The following PCSK1 variants were observed in gnomAD, a reference collection of about 807,000 sequenced individuals.
The protein encoded by PCSK1 is proprotein convertase subtilisin/kexin type 1.
Under a neutral mutation model 90.6 loss-of-function variants are expected in PCSK1, and 56 were observed. The observed-to-expected ratio is 0.62, with a 90% CI of 0.50 to 0.77. PCSK1 has a LOEUF of 0.77. PCSK1 is among the 30% of genes least tolerant of loss of function. PCSK1 has a pLI of 0.00. For missense variants in PCSK1, 801 were observed against 932.6 expected, an observed-to-expected ratio of 0.86 and a Z score of 1.84; for synonymous variants, 348 against 342.4, an observed-to-expected ratio of 1.02 and a Z score of -0.18.
chr5:96,395,514 C>A (rs184986119), intron 12 of PCSK1, among the ~76,000 whole-genome samples: 18 of 152,242 alleles, frequency 1.2e-4, no homozygotes, highest in African/African-American at 4.3e-4. Context: ...AAGCTGGAAA[C>A]CATCATTCTC....
chr5:96,427,666 T>G (rs1240599657), intron 2 of PCSK1, among the ~76,000 whole-genome samples: 2 of 152,174 alleles, frequency 1.3e-5, no homozygotes, highest in African/African-American at 4.8e-5. Context: ...CATGAGATAC[T>G]TTGAGTAAGA....
chr5:96,406,041 T>G (rs1430965432), intron 9 of PCSK1, among the ~76,000 whole-genome samples: 1 of 152,202 alleles, frequency 6.6e-6, no homozygotes, highest in Non-Finnish European at 1.5e-5. Context: ...GACCCTATTT[T>G]CTTCCAGTCC....
intron 1 of PCSK1, among the ~76,000 whole-genome samples, chr5:96,430,642 CAAA>C (rs1448703824): frequency 6.6e-6 from 1 of 152,074 alleles, no homozygotes; most frequent in Non-Finnish European, 1.5e-5. Flanking sequence ...TAATATTAAA[CAAA>C]AAGAGAAATA....
chr5:96,400,317 GTGTCTATTACTGTTCATATATCTTT>G (rs1177512851), intron 9 of PCSK1, 131 bp from the exon 10 acceptor site: 18 of 715,754 alleles, frequency 2.5e-5, no homozygotes, highest in African/African-American at 1.7e-4. Context: ...TGTTATTCTA[GTGTCTATTACTGTTCATATATCTTT>G]TCATTCAGAA....
chr5:96,392,974 T>C lies in PCSK1; in HGVS notation c.*27A>G, dbSNP rs775919898. ...GCAGGGTAAGGAAGAAGCATGAATA[T>C]TTCCAACTTGGGACCACACACTTAT... On this transcript the variant is annotated 3_prime_UTR_variant, in exon 14 of 14. Coordinates refer to ENST00000311106, the MANE Select transcript of PCSK1 (RefSeq NM_000439.5). 1 of 1,613,140 alleles carries C rather than the reference T, an allele frequency of 6.2e-7. No homozygotes were observed.
Position 96,391,254 on chromosome 5 carries a change from T to C in PCSK1, c.*1747A>G, listed in dbSNP as rs1759928036. The C allele has an allele frequency of 6.6e-6, 1 of 152,168 alleles. No individual in the cohort carries two copies. The highest frequency in any genetic ancestry group is 1.5e-5 in the Non-Finnish European group (1 of 68,040). The allele number at this position is 152,168 out of a possible 1,614,324, so 9.4% of individuals were successfully genotyped here. A position where few individuals can be genotyped will look rare whatever the true frequency, so the allele number is the denominator to read the frequency against. ...CAAATGGTAGAAGAGCAGGTGAAAATTTGTGTTACCAACCATACTTCAAGC... is the reference window on the plus strand; with the variant it reads ...CAAATGGTAGAAGAGCAGGTGAAAACTTGTGTTACCAACCATACTTCAAGC... On this transcript the variant is annotated 3_prime_UTR_variant, in exon 14 of 14. Coordinates refer to ENST00000311106, the MANE Select transcript of PCSK1 (RefSeq NM_000439.5).
chr5:96,425,008 AAAAGAAAGAAAG>A (rs200406743), intron 3 of PCSK1, among the ~76,000 whole-genome samples: 6,588 of 117,352 alleles, frequency 0.056, 207 homozygotes, highest in African/African-American at 0.08. Flanking sequence ...AGAAAGAAAG[AAAAGAAAGAAAG>A]AAAGAAAGAA....
At chr5:96,400,867 C>T (rs2112400937) in intron 9 of PCSK1, among the ~76,000 whole-genome samples, 1 of 146,566 alleles carries the variant, frequency 6.8e-6, no homozygotes, top group African/African-American at 2.6e-5. Context: ...GCGGGCGGAT[C>T]ACAAGGTCAG....
At chr5:96,404,094 A>G (rs1055031521) in intron 9 of PCSK1, among the ~76,000 whole-genome samples, 9 of 152,204 alleles carry the variant, frequency 5.9e-5, no homozygotes, top group Admixed American at 5.2e-4. Flanking sequence ...TGCCACAAAC[A>G]TTTATGCAAG....
At chr5:96,422,146 G>C (rs937138148) in intron 4 of PCSK1, among the ~76,000 whole-genome samples, 190 bp from the exon 5 acceptor site, 1 of 152,078 alleles carries the variant, frequency 6.6e-6, no homozygotes, top group Non-Finnish European at 1.5e-5. Flanking sequence ...CAGAGATGAT[G>C]AACACAGCCA....
chr5:96,393,373 C>T lies in PCSK1; in HGVS notation c.1890G>A (p.Gln630=). 6.2e-7 allele frequency: 1 copy of T among 1,613,746 alleles called. No individual in the cohort carries two copies. The highest frequency in any genetic ancestry group is 8.5e-7 in the Non-Finnish European group (1 of 1,179,908). ...VEKMVDPGEE[Q]PTQENPKENT... ...TCTCCTTAGGGTTCTCTTGTGTGGG[C>T]TGCTCCTAAAACATAGAATGCCATC... The change falls in exon 14 of 14, where the codon CAG becomes CAA. Residue 630 remains glutamine, a synonymous_variant. Coordinates refer to ENST00000311106, the MANE Select transcript of PCSK1 (RefSeq NM_000439.5).
chr5:96,425,008 A>G (rs866401528), intron 3 of PCSK1, among the ~76,000 whole-genome samples: 2 of 117,476 alleles, frequency 1.7e-5, no homozygotes, highest in Admixed American at 9.4e-5. Flanking sequence ...AGAAAGAAAG[A>G]AAAGAAAGAA....
intron 7 of PCSK1, among the ~76,000 whole-genome samples, chr5:96,411,572 A>T (rs1008121015): frequency 6.6e-6 from 1 of 152,184 alleles, no homozygotes; most frequent in Non-Finnish European, 1.5e-5. Context: ...GAGCAATCCA[A>T]CCAAGGCACA....
intron 7 of PCSK1, among the ~76,000 whole-genome samples, chr5:96,411,602 C>T (rs1760755679): frequency 6.6e-6 from 1 of 152,132 alleles, no homozygotes; most frequent in Non-Finnish European, 1.5e-5. Context: ...CAGGCACGTG[C>T]AGAGCAGAAG....
intron 12 of PCSK1, 71 bp from the exon 13 acceptor site, chr5:96,395,096 A>G (rs1760087355): frequency 3.4e-6 from 4 of 1,183,704 alleles, no homozygotes; most frequent in Non-Finnish European, 5.1e-6. Flanking sequence ...CAAAATAGCT[A>G]AAAAGGATTT....
At chr5:96,419,245 T>A (rs1028220690) in intron 5 of PCSK1, among the ~76,000 whole-genome samples, 1 of 150,758 alleles carries the variant, frequency 6.6e-6, no homozygotes, top group East Asian at 1.9e-4. Context: ...TAGATATAGA[T>A]AAATAATCTA....
At chr5:96,399,236 T>C (rs1320720218) in intron 10 of PCSK1, among the ~76,000 whole-genome samples, 200 bp from the exon 11 acceptor site, 1 of 152,194 alleles carries the variant, frequency 6.6e-6, no homozygotes, top group Non-Finnish European at 1.5e-5. Flanking sequence ...AATACTTAAA[T>C]ACAATGCTAT....
intron 5 of PCSK1, among the ~76,000 whole-genome samples, chr5:96,419,001 TACTTA>T (rs1761025298): frequency 6.6e-6 from 1 of 152,078 alleles, no homozygotes; most frequent in Non-Finnish European, 1.5e-5. Flanking sequence ...AGCAAACACT[TACTTA>T]ACTTTTTTGT....
chr5:96,426,086 G>C (rs1761298248), intron 2 of PCSK1, among the ~76,000 whole-genome samples, 156 bp from the exon 3 acceptor site: 1 of 152,132 alleles, frequency 6.6e-6, no homozygotes, highest in Non-Finnish European at 1.5e-5. Context: ...TGAGAAGAAG[G>C]GATTGCCCAC....
Sources: gnomAD v4.1 joint callset for allele counts (sites outside exome capture counted in the v4.1 genomes callset) on GRCh38, gnomAD v4.1.1 for gene constraint, MANE v1.5 for transcripts, NCBI Gene and HGNC (gene_info 2026-07-23, HGNC 2026-07-21) for gene names.